Variants in DOCK2 observed in about 807,000 individuals in gnomAD.
The protein encoded by DOCK2 is dedicator of cytokinesis 2.
DOCK2 carries 87 observed loss-of-function variants against 248.9 expected under a neutral mutation model. The observed-to-expected ratio is 0.35, with a 90% CI of 0.29 to 0.42. DOCK2 has a LOEUF of 0.42. Among genes scored for constraint, DOCK2 ranks in the 10% least tolerant of loss-of-function variants. DOCK2 has a pLI of 1.00. For synonymous variants in DOCK2, 805 were observed against 821.6 expected (o/e 0.98, Z 0.35); for missense variants, 1,747 against 2,300.2 (o/e 0.76, Z 4.92).
chr5:170,012,321 G>A lies in DOCK2; in HGVS notation c.3232+3575G>A, dbSNP rs370433249. 1.2e-4 allele frequency among the ~76,000 whole-genome samples: 19 copies of A among 152,228 alleles called. No homozygotes were observed. In the East Asian group the frequency reaches 3.1e-3, roughly 25 times the overall value. ...GTGTATGCATATTGTTTCAAAGGGT[G>A]TGAAATAACCAACGACCTACGTTTT... On this transcript the variant is annotated intron_variant, in intron 32 of 51. Transcript: ENST00000520908.
intron 14 of DOCK2, among the ~76,000 whole-genome samples, chr5:169,705,962 G>A (rs1271462688): frequency 6.6e-6 from 1 of 152,250 alleles, no homozygotes; most frequent in Non-Finnish European, 1.5e-5. Context: ...GGGCCATGGG[G>A]ATAGGCAATG....
At chr5:169,874,082 C>T (rs1772157248) in intron 27 of DOCK2, among the ~76,000 whole-genome samples, 1 of 151,476 alleles carries the variant, frequency 6.6e-6, no homozygotes, top group African/African-American at 2.4e-5. Flanking sequence ...CTGTCTGGTC[C>T]AGAAGAATTT....
chr5:169,856,177 A>G (rs1157131140), intron 27 of DOCK2, among the ~76,000 whole-genome samples: 1 of 152,164 alleles, frequency 6.6e-6, no homozygotes, highest in Non-Finnish European at 1.5e-5. Context: ...TTGGGTGGGG[A>G]CACAAAACCT....
chr5:169,822,991 C>T (rs1038380732), intron 26 of DOCK2, among the ~76,000 whole-genome samples: 2 of 152,180 alleles, frequency 1.3e-5, no homozygotes, highest in African/African-American at 4.8e-5. Context: ...ACTATAACCA[C>T]CTCTATGCAA....
rs1020599306 is a variant in DOCK2 at position 169,643,110 on chromosome 5, C to T, written c.43+5741C>T. On this transcript the variant is annotated intron_variant, in intron 1 of 51. Coordinates refer to ENST00000520908, the MANE Select transcript of DOCK2 (RefSeq NM_004946.3). ...TAATAGGCACTTTCTCCTTTCTTCC[C>T]CCTTCCCTTAATTGGTGTGAATTGA... is the stretch of plus-strand genomic sequence containing the variant. Among the ~76,000 whole-genome samples, 3 of 152,176 alleles carry T rather than the reference C, an allele frequency of 2.0e-5. No homozygotes were observed. The South Asian group carries it at 6.2e-4, about 32-fold the overall frequency.
chr5:170,069,041 GC>G, intron 45 of DOCK2, 95 bp from the exon 46 acceptor site: 1 of 1,064,530 alleles, frequency 9.4e-7, no homozygotes. Context: ...CCTCATCCTT[GC>G]CCCTTTCAAA....
At chr5:169,886,068 G>T (rs1305389172) in intron 27 of DOCK2, among the ~76,000 whole-genome samples, 1 of 152,018 alleles carries the variant, frequency 6.6e-6, no homozygotes, top group Non-Finnish European at 1.5e-5. Context: ...TAAGAACAAG[G>T]GTAAAAGACC....
At chr5:170,056,805 C>G in intron 43 of DOCK2, 37 bp downstream of exon 43, 1 of 1,578,830 alleles carries the variant, frequency 6.3e-7, no homozygotes, top group Non-Finnish European at 8.7e-7. Flanking sequence ...TTCCCTGGAG[C>G]CACCTGGAGG....
At chr5:169,862,580 G>A (rs1383652607) in intron 27 of DOCK2, among the ~76,000 whole-genome samples, 2 of 152,178 alleles carry the variant, frequency 1.3e-5, no homozygotes, top group Non-Finnish European at 2.9e-5. Context: ...TATGACAAGT[G>A]TATTTATCTT....
intron 26 of DOCK2, among the ~76,000 whole-genome samples, chr5:169,833,666 A>C (rs1180085368): frequency 1.3e-5 from 2 of 152,164 alleles, no homozygotes; most frequent in African/African-American, 4.8e-5. Context: ...CTGGCCTAGG[A>C]GATGCCAGAC....
chr5:169,968,028 G>A (rs1777367372), intron 27 of DOCK2, among the ~76,000 whole-genome samples: 1 of 152,184 alleles, frequency 6.6e-6, no homozygotes, highest in Admixed American at 6.5e-5. Context: ...TGCCCATGAG[G>A]TGGAAATGTC....
chr5:169,825,175 C>A (rs1768760568), intron 26 of DOCK2, among the ~76,000 whole-genome samples: 1 of 152,148 alleles, frequency 6.6e-6, no homozygotes, highest in Non-Finnish European at 1.5e-5. Flanking sequence ...GTTGGTGGGA[C>A]TGTAAACTAG....
intron 14 of DOCK2, 117 bp downstream of exon 14, chr5:169,702,544 G>T: frequency 2.0e-6 from 3 of 1,492,324 alleles, no homozygotes; most frequent in Non-Finnish European, 2.7e-6. Context: ...CTTTGGGATG[G>T]TGTTGAATAA....
rs78724114 is a variant in DOCK2, at chr5:169,941,802, T to C, written c.2800-41266T>C. On this transcript the variant is annotated intron_variant, in intron 27 of 51. Coordinates refer to ENST00000520908, the MANE Select transcript of DOCK2 (RefSeq NM_004946.3). ...CACACGCTTTCTTGCATTGCAGGGA[T>C]GGGACAGGGGCATTCCCCTCCAGAA... Among the ~76,000 whole-genome samples, 1,206 of 152,282 alleles carry C rather than the reference T, an allele frequency of 7.9e-3. 60 individuals are homozygous for C. In the East Asian group the frequency reaches 0.13, roughly 17 times the overall value.
intron 27 of DOCK2, among the ~76,000 whole-genome samples, chr5:169,865,060 T>C (rs561031182): frequency 6.6e-6 from 1 of 152,344 alleles, no homozygotes; most frequent in South Asian, 2.1e-4. Context: ...CTCTTTGAAT[T>C]GCATCTCAAC....
chr5:170,008,595 T>C lies in DOCK2; in HGVS notation c.3171T>C (p.Asn1057=). The C allele has an allele frequency of 6.2e-7, 1 of 1,614,084 alleles. No homozygotes were observed. Among genetic ancestry groups the C allele is most frequent in the Non-Finnish European group, 8.5e-7 (1 of 1,179,978 alleles). The part of the protein sequence containing the change: ...FSHAKYNKIL[N]KYGDMRRLIG... Reference sequence around the variant, plus strand: ...ACGCCAAATACAACAAAATCCTGAATAAGTAGGTTGCATTTTTGGATTTCC... The same window carrying C: ...ACGCCAAATACAACAAAATCCTGAACAAGTAGGTTGCATTTTTGGATTTCC... Residue 1057 remains asparagine, a splice_region_variant and synonymous_variant, in exon 31 of 52, where the codon AAT becomes AAC. Coordinates refer to ENST00000520908, the MANE Select transcript of DOCK2 (RefSeq NM_004946.3).
Position 169,680,588 on chromosome 5 carries a change from G to A in DOCK2, c.471-1156G>A, listed in dbSNP as rs115716629. Among the ~76,000 whole-genome samples the A allele has an allele frequency of 9.5e-3, 1,439 of 152,236 alleles. 22 individuals are homozygous for A. The highest frequency in any genetic ancestry group is 0.033 in the African/African-American group (1,356 of 41,540). On this transcript the variant is annotated intron_variant, in intron 6 of 51. Coordinates refer to ENST00000520908, the MANE Select transcript of DOCK2 (RefSeq NM_004946.3). The stretch of plus-strand genomic sequence containing the variant: ...GGTACGGTAGTAGCTGGGCATGGTG[G>A]CATGTGCCTGTAGTCCCAGCTGCTC...
chr5:169,730,148 G>A (rs1181254564), intron 22 of DOCK2, among the ~76,000 whole-genome samples: 1 of 152,092 alleles, frequency 6.6e-6, no homozygotes, highest in Non-Finnish European at 1.5e-5. Flanking sequence ...GTAGAGATGG[G>A]GTTTTGCCAT....
chr5:170,050,252 G>A lies in DOCK2; in HGVS notation c.4072-4G>A. On this transcript the variant is annotated splice_polypyrimidine_tract_variant and splice_region_variant and intron_variant, in intron 40 of 51. Coordinates refer to ENST00000520908, the MANE Select transcript of DOCK2 (RefSeq NM_004946.3). ...AATCTCTAATGAGCATCCTTTCTCT[G>A]CAGAACAAAGTGTTCATCTACCGCG... 1 of 1,613,656 alleles carries A rather than the reference G, an allele frequency of 6.2e-7. No individual in the cohort carries two copies. Among genetic ancestry groups the A allele is most frequent in the Non-Finnish European group, 8.5e-7 (1 of 1,179,714 alleles).
Sources: allele counts gnomAD v4.1 joint callset (sites outside exome capture counted in the v4.1 genomes callset), GRCh38; gene constraint gnomAD v4.1.1; transcripts MANE v1.5; gene names NCBI Gene and HGNC (gene_info 2026-07-23, HGNC 2026-07-21).